The following BACH1 variants were observed in gnomAD, a reference collection of about 807,000 sequenced individuals.
The protein encoded by BACH1 is transcription regulator protein BACH1.
Under a neutral mutation model 52.9 loss-of-function variants are expected in BACH1, and 35 were observed. The ratio of observed to expected loss-of-function variants is 0.66; its 90% confidence interval spans 0.51 to 0.88. The LOEUF (loss-of-function observed/expected upper bound fraction) is 0.88, where lower values mean the gene tolerates loss of function less well. Among genes scored for constraint, BACH1 ranks in the 40% least tolerant of loss-of-function variants. The probability of loss-of-function intolerance (pLI) is 0.00; values close to 1 mark genes in which losing one functional copy is unlikely to be tolerated. For missense variants in BACH1, 808 were observed against 872.6 expected, an observed-to-expected ratio of 0.93 and a Z score of 0.93; for synonymous variants, 321 against 319.6, an observed-to-expected ratio of 1.00 and a Z score of -0.05.
chr21:29,313,163 A>G lies in BACH1; in HGVS notation c.-60-8058A>G, dbSNP rs181204205. Among the ~76,000 whole-genome samples, 523 of 152,282 alleles carry G rather than the reference A, an allele frequency of 3.4e-3. 6 individuals are homozygous for G. Among genetic ancestry groups the G allele is most frequent in the African/African-American group, 0.012 (489 of 41,550 alleles). On this transcript the variant is annotated intron_variant, in intron 1 of 4. Coordinates refer to ENST00000286800, the MANE Select transcript of BACH1 (RefSeq NM_001186.4). ...AGAATTGTCTTGGGCCACAAATAAAATACACTAACACTAACGATAGCTGAC... is the reference window on the plus strand; with the variant it reads ...AGAATTGTCTTGGGCCACAAATAAAGTACACTAACACTAACGATAGCTGAC...
intron 1 of BACH1, among the ~76,000 whole-genome samples, chr21:29,315,093 T>C (rs898111195): frequency 6.6e-6 from 1 of 152,106 alleles, no homozygotes; most frequent in Admixed American, 6.5e-5. Flanking sequence ...GAATTTTTCT[T>C]ATGGGAATCT....
At chr21:29,346,610 C>T (rs1183310021), downstream of BACH1, among the ~76,000 whole-genome samples, 1 of 152,146 alleles carries the variant, frequency 6.6e-6, no homozygotes, top group African/African-American at 2.4e-5. Flanking sequence ...AGACACAAAT[C>T]TCGGGGGCAG....
At chr21:29,310,131 A>T (rs1426139075) in intron 1 of BACH1, among the ~76,000 whole-genome samples, 1 of 152,212 alleles carries the variant, frequency 6.6e-6, no homozygotes, top group African/African-American at 2.4e-5. Flanking sequence ...CTTATCATGT[A>T]GTGACAAACC....
chr21:29,351,790 A>G (rs1241121384), intron 2 of BACH1: 1 of 532,882 alleles, frequency 1.9e-6, no homozygotes, highest in African/African-American at 1.9e-5. Context: ...AATGAGAAGT[A>G]GAGCACATAG....
chr21:29,360,973 A>G (rs2089268332), intron 2 of BACH1: 1 of 151,998 alleles, frequency 6.6e-6, no homozygotes, highest in South Asian at 2.1e-4. Flanking sequence ...CTCCCAACAT[A>G]GTATAGAATG....
chr21:29,355,613 C>T (rs573672000), intron 2 of BACH1, among the ~76,000 whole-genome samples: 3 of 152,198 alleles, frequency 2.0e-5, no homozygotes, highest in South Asian at 2.1e-4. Flanking sequence ...AAAGGGCCAG[C>T]GGGTCGGTCC....
At chr21:29,318,154 G>T (rs1294817973) in intron 1 of BACH1, among the ~76,000 whole-genome samples, 1 of 152,192 alleles carries the variant, frequency 6.6e-6, no homozygotes. Flanking sequence ...ATTGATATGT[G>T]AAACTTTATT....
chr21:29,327,226 A>C lies in BACH1; in HGVS notation c.1402A>C (p.Ser468Arg). 1 of 1,614,230 alleles carries C rather than the reference A, an allele frequency of 6.2e-7. No homozygotes were observed. The highest frequency in any genetic ancestry group is 8.5e-7 in the Non-Finnish European group (1 of 1,180,040). ...CAACTGCCCTTTTATAAGTACTCTG[A>C]GTACTGAAGGCTGTTCAAGCAATTT... ...SVNCPFISTLSTEGCSSNLEI... is the reference protein window; with the variant it reads ...SVNCPFISTLRTEGCSSNLEI... Residue 468 changes from serine to arginine, a missense_variant, in exon 3 of 5, where the codon AGT becomes CGT. Physicochemically the swap from Ser to Arg is moderately radical, Grantham distance 110. Transcript: ENST00000286800.
intron 1 of BACH1, among the ~76,000 whole-genome samples, chr21:29,302,805 G>C (rs1222030579): frequency 6.6e-6 from 1 of 152,120 alleles, no homozygotes; most frequent in African/African-American, 2.4e-5. Context: ...AAAACAACCC[G>C]GGGAACACTC....
chr21:29,356,537 A>G lies in BACH1; in HGVS notation c.472+26844A>G, dbSNP rs530933944. Among the ~76,000 whole-genome samples, 9 of 152,256 alleles carry G rather than the reference A, an allele frequency of 5.9e-5. No homozygotes were observed. In the South Asian group the frequency reaches 1.9e-3, roughly 32 times the overall value. On this transcript the variant is annotated intron_variant, in intron 2 of 4. Coordinates refer to the BACH1 transcript ENST00000422809. ...ACCCATTGTGTCTTTTTTCCTTAGT[A>G]GTTGAGGAGGAACCGTATATTATCC...
At chr21:29,340,192 A>G (rs2089095393) in intron 4 of BACH1, among the ~76,000 whole-genome samples, 1 of 152,214 alleles carries the variant, frequency 6.6e-6, no homozygotes, top group Non-Finnish European at 1.5e-5. Context: ...AATTACTTGT[A>G]TTTTACTTTT....
At chr21:29,330,040 A>G (rs900536752) in intron 4 of BACH1, among the ~76,000 whole-genome samples, 2 of 152,224 alleles carry the variant, frequency 1.3e-5, no homozygotes, top group East Asian at 1.9e-4. Context: ...GTTTTGGTTG[A>G]TACCAAAACC....
At chr21:29,307,812 T>A (rs2088676363) in intron 1 of BACH1, among the ~76,000 whole-genome samples, 1 of 152,204 alleles carries the variant, frequency 6.6e-6, no homozygotes, top group Admixed American at 6.5e-5. Flanking sequence ...TCATTCTTGT[T>A]CCTTCTCAAT....
At chr21:29,300,520 A>C (rs1376771202) in intron 1 of BACH1, among the ~76,000 whole-genome samples, 1 of 152,188 alleles carries the variant, frequency 6.6e-6, no homozygotes, top group African/African-American at 2.4e-5. Context: ...AATAGCACTG[A>C]GGCGGGTTTA....
intron 1 of BACH1, among the ~76,000 whole-genome samples, 168 bp downstream of exon 1, chr21:29,299,121 G>C (rs1191950673): frequency 2.6e-5 from 4 of 151,244 alleles, no homozygotes; most frequent in Admixed American, 2.6e-4. Flanking sequence ...CGGGGCCCGC[G>C]GGGGGCGCCG....
At chr21:29,324,595 TGTGTG>T (rs2088888882) in intron 2 of BACH1, among the ~76,000 whole-genome samples, 1 of 150,592 alleles carries the variant, frequency 6.6e-6, no homozygotes, top group Admixed American at 6.6e-5. Flanking sequence ...TGTGTGTGTG[TGTGTG>T]TAGCTTTTTA....
In BACH1 at chr21:29,341,673, A is replaced by T. The variant is rs147397200; in HGVS notation, c.1777-726A>T. ...AAAATTACCCCCCCGAATTCTTCACACTTTAGTAACTCACCCACCGGCTGT... is the reference window on the plus strand; with the variant it reads ...AAAATTACCCCCCCGAATTCTTCACTCTTTAGTAACTCACCCACCGGCTGT... On this transcript the variant is annotated intron_variant, in intron 4 of 4. Coordinates refer to ENST00000286800, the MANE Select transcript of BACH1 (RefSeq NM_001186.4). Among the ~76,000 whole-genome samples the T allele has an allele frequency of 7.8e-4, 119 of 152,320 alleles. 1 individual carries two copies. Among genetic ancestry groups the T allele is most frequent in the Admixed American group, 1.4e-3 (21 of 15,298 alleles).
chr21:29,356,285 C>T (rs1194264697), intron 2 of BACH1, among the ~76,000 whole-genome samples: 4 of 152,168 alleles, frequency 2.6e-5, no homozygotes, highest in African/African-American at 4.8e-5. Context: ...TAACTTTTAG[C>T]AAACTTTTGT....
intron 1 of BACH1, among the ~76,000 whole-genome samples, chr21:29,316,109 C>G (rs1001097884): frequency 6.6e-6 from 1 of 152,122 alleles, no homozygotes; most frequent in African/African-American, 2.4e-5. Context: ...GAACTTTATA[C>G]AAAGTTATCT....
Sources: allele counts gnomAD v4.1 joint callset (sites outside exome capture counted in the v4.1 genomes callset), GRCh38; gene constraint gnomAD v4.1.1; transcripts MANE v1.5; gene names NCBI Gene and HGNC (gene_info 2026-07-23, HGNC 2026-07-21).